Variants in RBM44 observed in about 807,000 individuals in gnomAD.
The protein encoded by RBM44 is RNA binding motif protein 44, also known as RNA-binding protein 44.
Under a neutral mutation model 105.1 loss-of-function variants are expected in RBM44, and 66 were observed. The observed-to-expected ratio is 0.63, with a 90% CI of 0.52 to 0.77. The LOEUF (loss-of-function observed/expected upper bound fraction) is 0.77. RBM44 is among the 30% of genes least tolerant of loss of function. The pLI, the probability that RBM44 is intolerant of heterozygous loss-of-function variation, is 0.00. For missense variants in RBM44, 1,122 were observed against 1,207.8 expected (o/e 0.93, Z 1.05); for synonymous variants, 365 against 417.6 (o/e 0.87, Z 1.54).
At chr2:237,830,986 A>T (rs2061897414) in intron 13 of RBM44, among the ~76,000 whole-genome samples, 1 of 152,040 alleles carries the variant, frequency 6.6e-6, no homozygotes, top group South Asian at 2.1e-4. Flanking sequence ...CAGCACAAGA[A>T]TAAATACTTG....
At chr2:237,812,515 G>A (rs1408045691) in intron 1 of RBM44, among the ~76,000 whole-genome samples, 2 of 152,172 alleles carry the variant, frequency 1.3e-5, no homozygotes, top group Non-Finnish European at 2.9e-5. Context: ...CATGACATGA[G>A]ATCTGCTTTT....
Position 237,821,106 on chromosome 2 carries a change from G to A in RBM44, c.1949G>A (p.Gly650Glu), listed in dbSNP as rs1268071394. 9.4e-6 allele frequency: 15 copies of A among 1,589,890 alleles called. No homozygotes were observed. Among genetic ancestry groups the A allele is most frequent in the African/African-American group, 1.4e-5 (1 of 73,096 alleles). ...LSSNSAKKEL[G>E]SALLSLLGDL... ...AGTAATTCTGCTAAGAAGGAATTGG[G>A]ATCAGCACTACTGTCTCTTTTGGGG... Residue 650 changes from glycine (G) to glutamate (E), a missense_variant, in exon 6 of 16, where the codon GGA (glycine) becomes GAA (glutamate). Physicochemically the swap from Gly to Glu is moderately conservative, Grantham distance 98. Around this residue, in one of 3 missense-constraint regions of RBM44, gnomAD observed 918 missense variants for 955.3 expected, o/e 0.96. Transcript: ENST00000316997.
In RBM44 at chr2:237,831,558, C is replaced by T. The variant is rs112685313; in HGVS notation, c.2886+2056C>T. Among the ~76,000 whole-genome samples, 622 of 152,324 alleles carry T rather than the reference C, an allele frequency of 4.1e-3. 6 individuals are homozygous for T. Among genetic ancestry groups the T allele is most frequent in the African/African-American group, 0.014 (580 of 41,576 alleles). ...TCGGCCTCCCAAAATGCTGGTATTA[C>T]TGGCCTGAGCCACCACACCCAGCCT... is the stretch of plus-strand genomic sequence containing the variant. On this transcript the variant is annotated intron_variant, in intron 13 of 15. Coordinates refer to ENST00000316997, the MANE Select transcript of RBM44 (RefSeq NM_001080504.3).
At chr2:237,816,641 G>A (rs1051101970) in intron 2 of RBM44, among the ~76,000 whole-genome samples, 2 of 152,176 alleles carry the variant, frequency 1.3e-5, no homozygotes, top group East Asian at 3.8e-4. Flanking sequence ...TTCCTAGCTT[G>A]TAGATGGCTG....
chr2:237,836,302 T>C (rs370323687), intron 15 of RBM44, among the ~76,000 whole-genome samples: 161 of 151,722 alleles, frequency 1.1e-3, no homozygotes, highest in African/African-American at 3.6e-3. Flanking sequence ...AGCATGGAGG[T>C]TTTTTGGGTT....
chr2:237,805,444 A>T (rs963886701), intron 1 of RBM44, among the ~76,000 whole-genome samples: 1 of 152,236 alleles, frequency 6.6e-6, no homozygotes, highest in Non-Finnish European at 1.5e-5. Flanking sequence ...CACTATTCCT[A>T]TGAAACTACC....
chr2:237,818,322 T>C lies in RBM44; in HGVS notation c.1403T>C (p.Val468Ala). 1 of 1,613,342 alleles carries C rather than the reference T, an allele frequency of 6.2e-7. No homozygotes were observed. Among genetic ancestry groups the C allele is most frequent in the Non-Finnish European group, 8.5e-7 (1 of 1,179,560 alleles). The change falls in exon 3 of 16, where the codon GTG (valine) becomes GCG (alanine). Residue 468 changes from valine (V) to alanine (A), a missense_variant. Val to Ala is a moderately conservative substitution (Grantham distance 64). Transcript: ENST00000316997. This position sits in a 1 kb window ranked among gnomAD's most constrained non-coding sequence, Gnocchi z 4.6. ...ASCTVTINQT[V>A]DVSTDFRACF... is the part of the protein sequence containing the mutation. ...TGTACAGTCACAATTAATCAGACAG[T>C]GGACGTTAGCACTGATTTTAGGGCT...
Position 237,818,802 on chromosome 2 carries a change from C to A in RBM44, c.1678-99C>A. The A allele has an allele frequency of 1.4e-6, 1 of 711,666 alleles. No homozygotes were observed. The highest frequency in any genetic ancestry group is 2.3e-6 in the Non-Finnish European group (1 of 437,768). 44.1% of individuals were successfully genotyped at this position (711,666 alleles called of 1,614,324 possible). On this transcript the variant is annotated intron_variant, in intron 3 of 15. Transcript: ENST00000316997. The surrounding 1 kb of genome is among the most constrained non-coding windows in gnomAD (Gnocchi z 4.6). ...CAGTTCTATCCTCCTCTCCTGGCAGCTCCTCCCACAAAATCCATTAGAAAT... is the reference window on the plus strand; with the variant it reads ...CAGTTCTATCCTCCTCTCCTGGCAGATCCTCCCACAAAATCCATTAGAAAT...
intron 1 of RBM44, among the ~76,000 whole-genome samples, chr2:237,807,445 A>G (rs1486215705): frequency 6.6e-6 from 1 of 152,206 alleles, no homozygotes; most frequent in Non-Finnish European, 1.5e-5. Flanking sequence ...CACTGCGCCC[A>G]GTCCTGGAAA....
At position 237,827,481 on chromosome 2, in the gene RBM44, A is replaced by T; in HGVS notation, c.2578A>T (p.Ile860Phe). 6.6e-7 allele frequency: 1 copy of T among 1,515,076 alleles called. No homozygotes were observed. The highest frequency in any genetic ancestry group is 9.0e-7 in the Non-Finnish European group (1 of 1,115,280). 93.9% of individuals were successfully genotyped at this position (1,515,076 alleles called of 1,614,324 possible). A position where few individuals can be genotyped will look rare whatever the true frequency, so the allele number is the denominator to read the frequency against. The part of the protein sequence containing the change: ...FQKYQVSEIS[I>F]YDSTNYRYAS... Reference sequence around the variant, plus strand: ...AAAATACCAAGTTTCTGAAATTTCAATTTATGATTCTACTAATTACAGGTG... The same window carrying T: ...AAAATACCAAGTTTCTGAAATTTCATTTTATGATTCTACTAATTACAGGTG... Residue 860 changes from isoleucine to phenylalanine, a missense_variant, in exon 12 of 16, where the codon ATT becomes TTT. Physicochemically the swap from Ile to Phe is conservative, Grantham distance 21. This residue lies in a region of RBM44 where 194 missense variants were observed against 225.5 expected (regional missense o/e 0.86). Coordinates refer to ENST00000316997, the MANE Select transcript of RBM44 (RefSeq NM_001080504.3).
At chr2:237,802,278 C>T (rs572486483) in intron 1 of RBM44, among the ~76,000 whole-genome samples, 60 of 152,342 alleles carry the variant, frequency 3.9e-4, no homozygotes, top group African/African-American at 1.4e-3. Context: ...CCAGCCTGAG[C>T]TCTGCTTCCT....
At chr2:237,810,069 AAC>A in intron 1 of RBM44, among the ~76,000 whole-genome samples, 1 of 152,378 alleles carries the variant, frequency 6.6e-6, no homozygotes. Flanking sequence ...TGCTTTATTT[AAC>A]ACAGTATATA....
At chr2:237,819,710 A>G (rs1444181740) in intron 4 of RBM44, among the ~76,000 whole-genome samples, 1 of 152,060 alleles carries the variant, frequency 6.6e-6, no homozygotes, top group Non-Finnish European at 1.5e-5. Context: ...AATGATCCTT[A>G]ACTATTAAGA....
intron 13 of RBM44, among the ~76,000 whole-genome samples, chr2:237,829,926 G>T (rs1427544927): frequency 6.6e-6 from 1 of 151,962 alleles, no homozygotes; most frequent in East Asian, 1.9e-4. Context: ...GGTAAAGTTT[G>T]CCTTGTTCAG....
At chr2:237,820,115 A>G in intron 4 of RBM44, 60 bp from the exon 5 acceptor site, 5 of 891,972 alleles carry the variant, frequency 5.6e-6, no homozygotes, top group Non-Finnish European at 8.1e-6. Flanking sequence ...TTCTGGAGGC[A>G]TGTTATTACT....
At chr2:237,807,326 T>C (rs2061609519) in intron 1 of RBM44, among the ~76,000 whole-genome samples, 2 of 152,256 alleles carry the variant, frequency 1.3e-5, no homozygotes, top group South Asian at 4.1e-4. Flanking sequence ...TTTTTTATAT[T>C]TTTAGTAGAG....
chr2:237,821,379 G>A lies in RBM44; in HGVS notation c.2120+11G>A, dbSNP rs77878354. 8.4e-6 allele frequency: 13 copies of A among 1,543,320 alleles called. No homozygotes were observed. The highest frequency in any genetic ancestry group is 2.3e-4 in the Middle Eastern group (1 of 4,318). ...AAAAGAAACACATGTGTGAGTTATG[G>A]TTTCATTTGATTTATAATTCATTAG... On this transcript the variant is annotated intron_variant, in intron 7 of 15. Transcript: ENST00000316997.
At chr2:237,802,328 AACCCTGTTGTGAACTGT>A (rs2061553429) in intron 1 of RBM44, among the ~76,000 whole-genome samples, 2 of 152,190 alleles carry the variant, frequency 1.3e-5, no homozygotes, top group Admixed American at 1.3e-4. Context: ...TAGGAACTCA[AACCCTGTTGTGAACTGT>A]GCATGTGAGG....
intron 8 of RBM44, among the ~76,000 whole-genome samples, 182 bp from the exon 9 acceptor site, chr2:237,823,258 C>T (rs1254653009): frequency 6.6e-6 from 1 of 151,972 alleles, no homozygotes; most frequent in Admixed American, 6.6e-5. Flanking sequence ...AACTGTGTAA[C>T]ATGAAGCAAC....
Sources: allele counts gnomAD v4.1 joint callset (sites outside exome capture counted in the v4.1 genomes callset), GRCh38; gene constraint gnomAD v4.1.1; regional missense constraint gnomAD v4.1.1; non-coding constraint Gnocchi (gnomAD v3.1); transcripts MANE v1.5; gene names NCBI Gene and HGNC (gene_info 2026-07-23, HGNC 2026-07-21).